HEMK2: variants seen among roughly 807,000 people sequenced by gnomAD.
HEMK2 encodes HemK methyltransferase 2, ETF1 glutamine and histone H4 lysine.
At chr21:28,860,046 A>C in the HEMK2 span, among the ~76,000 whole-genome samples, 1 of 152,174 alleles carries the variant, frequency 6.6e-6, no homozygotes, top group East Asian at 1.9e-4. Flanking sequence ...TCAAGTTGAC[A>C]AGGGGTGGAC....
the HEMK2 span, among the ~76,000 whole-genome samples, chr21:28,848,922 C>A: frequency 6.6e-6 from 1 of 152,178 alleles, no homozygotes; most frequent in African/African-American, 2.4e-5. Flanking sequence ...CCCCTGCCTG[C>A]GCTCTGCCAC....
chr21:28,629,449 T>A, the HEMK2 span, among the ~76,000 whole-genome samples: 1 of 152,168 alleles, frequency 6.6e-6, no homozygotes, highest in South Asian at 2.1e-4. Context: ...GCATTTTTCA[T>A]CCAAAATAGC....
the HEMK2 span, among the ~76,000 whole-genome samples, chr21:28,814,396 C>T: frequency 6.6e-6 from 1 of 151,758 alleles, no homozygotes; most frequent in East Asian, 1.9e-4. Flanking sequence ...TCTAATTAAA[C>T]TAAAGAGCTT....
At chr21:28,616,344 A>G in the HEMK2 span, among the ~76,000 whole-genome samples, 1 of 152,200 alleles carries the variant, frequency 6.6e-6, no homozygotes, top group East Asian at 1.9e-4. Flanking sequence ...CTTGCCATTG[A>G]AACAATAAAA....
chr21:28,855,684 T>C, the HEMK2 span, among the ~76,000 whole-genome samples: 1 of 152,148 alleles, frequency 6.6e-6, no homozygotes, highest in Non-Finnish European at 1.5e-5. Context: ...CACAGTCCAA[T>C]GAAAATGGAA....
chr21:28,866,450 A>G, the HEMK2 span, among the ~76,000 whole-genome samples: 16 of 151,062 alleles, frequency 1.1e-4, no homozygotes, highest in African/African-American at 3.9e-4. Context: ...CTCCATCTCA[A>G]AAAATAAATA....
At chr21:28,863,044 CA>C in the HEMK2 span, among the ~76,000 whole-genome samples, 1 of 151,994 alleles carries the variant, frequency 6.6e-6, no homozygotes, top group Non-Finnish European at 1.5e-5. Flanking sequence ...TACTGAGTGT[CA>C]ACTTGTTTGG....
chr21:28,794,643 T>C, the HEMK2 span, among the ~76,000 whole-genome samples: 61 of 152,366 alleles, frequency 4.0e-4, 2 homozygotes, highest in East Asian at 7.5e-3. Flanking sequence ...AAATGTGGTA[T>C]CCACATATTG....
At chr21:28,713,791 T>C in the HEMK2 span, among the ~76,000 whole-genome samples, 2 of 152,254 alleles carry the variant, frequency 1.3e-5, no homozygotes, top group Non-Finnish European at 2.9e-5. Flanking sequence ...AGATGGCACA[T>C]AGCAGGGGCT....
chr21:28,872,613 A>C, the HEMK2 span: 1 of 152,206 alleles, frequency 6.6e-6, no homozygotes, highest in African/African-American at 2.4e-5. Flanking sequence ...AGTGGCTTAC[A>C]TGATTATGGA....
chr21:28,796,768 C>G, the HEMK2 span, among the ~76,000 whole-genome samples: 2 of 151,906 alleles, frequency 1.3e-5, no homozygotes, highest in South Asian at 4.2e-4. Flanking sequence ...GGGAGTCTCC[C>G]TATGTTTCCC....
the HEMK2 span, among the ~76,000 whole-genome samples, chr21:28,586,685 T>C: frequency 6.6e-6 from 1 of 152,362 alleles, no homozygotes; most frequent in Non-Finnish European, 1.5e-5. Flanking sequence ...ATTTTATTTT[T>C]GACACTGAGT....
the HEMK2 span, chr21:28,885,351 T>C: frequency 7.1e-6 from 11 of 1,548,328 alleles, no homozygotes; most frequent in African/African-American, 9.6e-5. Flanking sequence ...GCCATAGTCC[T>C]TCGCTGCGTT....
At chr21:28,655,633 T>G in the HEMK2 span, among the ~76,000 whole-genome samples, 1 of 152,000 alleles carries the variant, frequency 6.6e-6, no homozygotes, top group East Asian at 1.9e-4. Context: ...CTCTCTAGGC[T>G]TGAATTTCCC....
the HEMK2 span, among the ~76,000 whole-genome samples, chr21:28,686,358 C>T: frequency 2.6e-5 from 4 of 152,012 alleles, no homozygotes; most frequent in Non-Finnish European, 5.9e-5. Flanking sequence ...CCTCAGCCTC[C>T]CAAGTAGCTG....
chr21:28,785,645 A>G, the HEMK2 span, among the ~76,000 whole-genome samples: 1 of 152,348 alleles, frequency 6.6e-6, no homozygotes, highest in Non-Finnish European at 1.5e-5. Flanking sequence ...CTCAGTCATC[A>G]CTATGTGAAT....
At chr21:28,841,405 A>T in the HEMK2 span, among the ~76,000 whole-genome samples, 4 of 35,170 alleles carry the variant, frequency 1.1e-4, no homozygotes, top group African/African-American at 4.8e-4. Context: ...TTATATATAT[A>T]ATATATATAT....
At chr21:28,708,631 A>G in the HEMK2 span, among the ~76,000 whole-genome samples, 2 of 152,236 alleles carry the variant, frequency 1.3e-5, no homozygotes, top group Non-Finnish European at 2.9e-5. Flanking sequence ...TTTGAAAGAT[A>G]TTTGTCCTTA....
the HEMK2 span, among the ~76,000 whole-genome samples, chr21:28,766,969 C>T: frequency 2.4e-4 from 36 of 152,106 alleles, no homozygotes; most frequent in East Asian, 1.9e-3. Flanking sequence ...CCAAGTGATA[C>T]GGTTTGGCTG....
Sources: allele counts gnomAD v4.1 joint callset (sites outside exome capture counted in the v4.1 genomes callset), GRCh38; gene constraint gnomAD v4.1.1; transcripts MANE v1.5; gene names NCBI Gene and HGNC (gene_info 2026-07-23, HGNC 2026-07-21).